RUNX2: variants seen among roughly 807,000 people sequenced by gnomAD.
The protein encoded by RUNX2 is runt-related transcription factor 2.
In RUNX2, 10 loss-of-function variants were observed where a neutral mutation model predicts 51.7. That is an observed-to-expected ratio of 0.19 (90% CI 0.12 to 0.33). The LOEUF is 0.33. Among genes scored for constraint, RUNX2 ranks in the 10% least tolerant of loss-of-function variants. RUNX2 has a pLI of 1.00. For synonymous variants in RUNX2, 276 were observed against 273.6 expected (o/e 1.01, Z -0.09); for missense variants, 562 against 691.3 (o/e 0.81, Z 2.10).
In RUNX2 at chr6:45,441,914, C is replaced by A. The variant is rs138415053; in HGVS notation, c.685+3863C>A. On this transcript the variant is annotated intron_variant, in intron 5 of 8. Transcript: ENST00000647337. ...CACTCAAAAATCCAAAAGGTTTCAT[C>A]CTTCTATGTTTTCTGTCTCTGGCAG... is the stretch of plus-strand genomic sequence containing the variant. Among the ~76,000 whole-genome samples the A allele has an allele frequency of 5.9e-3, 902 of 152,316 alleles. 16 individuals carry two copies. The highest frequency in any genetic ancestry group is 0.039 in the South Asian group (188 of 4,828).
At position 45,461,567 on chromosome 6, in the gene RUNX2, G is replaced by A. The variant is rs116092680; in HGVS notation, c.685+23516G>A. Reference sequence around the variant, plus strand: ...AAAGGAAGGAATGTCTTAAGATGGGGAAACACTCATGAAATGAGTCTGAAG... The same window carrying A: ...AAAGGAAGGAATGTCTTAAGATGGGAAAACACTCATGAAATGAGTCTGAAG... On this transcript the variant is annotated intron_variant, in intron 5 of 8. Transcript: ENST00000647337. Among the ~76,000 whole-genome samples the A allele has an allele frequency of 4.7e-3, 715 of 152,236 alleles. 9 individuals are homozygous for A. Among genetic ancestry groups the A allele is most frequent in the African/African-American group, 0.017 (686 of 41,532 alleles).
At chr6:45,485,695 GTGTA>G (rs1448595422) in intron 5 of RUNX2, among the ~76,000 whole-genome samples, 16 of 107,160 alleles carry the variant, frequency 1.5e-4, no homozygotes, top group Admixed American at 4.9e-4. Context: ...GTGTGTGTGT[GTGTA>G]TATATATATA....
chr6:45,398,720 CT>C (rs2150350506), intron 2 of RUNX2, among the ~76,000 whole-genome samples: 1 of 152,324 alleles, frequency 6.6e-6, no homozygotes, highest in African/African-American at 2.4e-5. Context: ...AGAGTTCCAA[CT>C]TAGGGCTTTC....
chr6:45,429,721 C>T (rs1479604994), intron 3 of RUNX2, among the ~76,000 whole-genome samples: 1 of 152,180 alleles, frequency 6.6e-6, no homozygotes, highest in African/African-American at 2.4e-5. Context: ...CTGGCCCTCT[C>T]AGAGTTTTAG....
intron 2 of RUNX2, among the ~76,000 whole-genome samples, chr6:45,382,790 CTG>C (rs1716183348): frequency 6.6e-6 from 1 of 152,160 alleles, no homozygotes; most frequent in African/African-American, 2.4e-5. Flanking sequence ...TGAAAATAGT[CTG>C]TAGAGTGACA....
At chr6:45,442,677 G>T (rs1018356065) in intron 5 of RUNX2, among the ~76,000 whole-genome samples, 2 of 152,070 alleles carry the variant, frequency 1.3e-5, no homozygotes, top group African/African-American at 4.8e-5. Flanking sequence ...AACTACCCTC[G>T]AATATAACAT....
intron 5 of RUNX2, among the ~76,000 whole-genome samples, chr6:45,489,574 C>T (rs756878697): frequency 6.6e-6 from 1 of 152,212 alleles, no homozygotes; most frequent in Non-Finnish European, 1.5e-5. Context: ...CCCCTCAGCC[C>T]TCAGGGAACC....
At chr6:45,331,401 T>C (rs954963066) in intron 2 of RUNX2, among the ~76,000 whole-genome samples, 2 of 151,980 alleles carry the variant, frequency 1.3e-5, no homozygotes, top group Non-Finnish European at 2.9e-5. Flanking sequence ...AAAACAGCAA[T>C]TGTGGTCCAT....
At chr6:45,507,639 G>A (rs1434786999) in intron 6 of RUNX2, among the ~76,000 whole-genome samples, 1 of 152,154 alleles carries the variant, frequency 6.6e-6, no homozygotes, top group East Asian at 1.9e-4. Context: ...AGGTTAAAGT[G>A]TACAGTATTT....
At chr6:45,402,331 G>A (rs1797729894) in intron 2 of RUNX2, among the ~76,000 whole-genome samples, 1 of 152,170 alleles carries the variant, frequency 6.6e-6, no homozygotes. Flanking sequence ...GTAGCATTAT[G>A]AAAGATTAAT....
chr6:45,493,274 A>G (rs1288966906), intron 6 of RUNX2, among the ~76,000 whole-genome samples: 1 of 152,234 alleles, frequency 6.6e-6, no homozygotes, highest in African/African-American at 2.4e-5. Context: ...AGATAACCAG[A>G]TATCTGCATT....
intron 6 of RUNX2, among the ~76,000 whole-genome samples, chr6:45,497,953 G>A (rs1800694481): frequency 6.6e-6 from 1 of 152,126 alleles, no homozygotes; most frequent in African/African-American, 2.4e-5. Context: ...TGCTTGTCAT[G>A]TGTCAGGCAT....
intron 5 of RUNX2, among the ~76,000 whole-genome samples, chr6:45,475,704 A>G (rs1799937594): frequency 6.6e-6 from 1 of 152,236 alleles, no homozygotes; most frequent in African/African-American, 2.4e-5. Flanking sequence ...TGCACATTCT[A>G]GATATTCAAC....
At chr6:45,347,164 A>G (rs955974830) in intron 2 of RUNX2, among the ~76,000 whole-genome samples, 2 of 152,214 alleles carry the variant, frequency 1.3e-5, no homozygotes, top group Non-Finnish European at 2.9e-5. Context: ...TCATATTAAG[A>G]TAAGTGAAAT....
chr6:45,512,937 C>T (rs980758696), intron 7 of RUNX2, among the ~76,000 whole-genome samples: 8 of 152,088 alleles, frequency 5.3e-5, no homozygotes, highest in African/African-American at 1.2e-4. Flanking sequence ...AAAGACAATG[C>T]GTGGCCTCTG....
chr6:45,469,839 A>C (rs1432687627), intron 5 of RUNX2, among the ~76,000 whole-genome samples: 1 of 152,190 alleles, frequency 6.6e-6, no homozygotes, highest in Admixed American at 6.5e-5. Context: ...AGGAAAGCCC[A>C]GTGCTCACTC....
intron 5 of RUNX2, among the ~76,000 whole-genome samples, chr6:45,487,162 T>C (rs937974391): frequency 6.6e-6 from 1 of 152,282 alleles, no homozygotes; most frequent in South Asian, 2.1e-4. Context: ...GAAACCACTT[T>C]TTTGTTTTTA....
chr6:45,481,713 G>T (rs1373395606), intron 5 of RUNX2, among the ~76,000 whole-genome samples: 1 of 152,122 alleles, frequency 6.6e-6, no homozygotes, highest in Admixed American at 6.5e-5. Context: ...TCTCCTTCTG[G>T]TCTCTTTGCT....
intron 7 of RUNX2, among the ~76,000 whole-genome samples, chr6:45,523,270 T>G (rs1801563382): frequency 6.6e-6 from 1 of 152,100 alleles, no homozygotes; most frequent in South Asian, 2.1e-4. Flanking sequence ...TTATTATTAT[T>G]TTATTAATTT....
Sources: gnomAD v4.1 joint callset for allele counts (sites outside exome capture counted in the v4.1 genomes callset) on GRCh38, gnomAD v4.1.1 for gene constraint, MANE v1.5 for transcripts, NCBI Gene and HGNC (gene_info 2026-07-23, HGNC 2026-07-21) for gene names.